Variants in PCDHGA5 observed in about 807,000 individuals in gnomAD.
PCDHGA5 encodes the protein protocadherin gamma-A5.
Under a neutral mutation model 56.7 loss-of-function variants are expected in PCDHGA5, and 36 were observed. That is an observed-to-expected ratio of 0.64 (90% CI 0.49 to 0.84). The LOEUF (loss-of-function observed/expected upper bound fraction) is 0.84, where lower values mean the gene tolerates loss of function less well. Ranked by LOEUF, PCDHGA5 falls within the 40% of genes least tolerant of loss-of-function variation. The pLI is 0.00. For synonymous variants in PCDHGA5, 563 were observed against 520.2 expected (o/e 1.08, Z -1.12); for missense variants, 1,305 against 1,201.5 (o/e 1.09, Z -1.27).
chr5:141,380,978 A>C (rs1244318995), intron 1 of PCDHGA5, among the ~76,000 whole-genome samples: 1 of 152,254 alleles, frequency 6.6e-6, no homozygotes, highest in Non-Finnish European at 1.5e-5. Context: ...AAACAAATAG[A>C]ATTTAACTCC....
At chr5:141,388,020 G>A (rs549084224) in intron 1 of PCDHGA5, 32 of 1,459,094 alleles carry the variant, frequency 2.2e-5, no homozygotes, top group African/African-American at 7.1e-5. Context: ...CAAGGGCTCC[G>A]TAGTGGGGAA....
In PCDHGA5 at chr5:141,486,702, T is replaced by C; in HGVS notation, c.2422-8105T>C. On this transcript the variant is annotated intron_variant, in intron 1 of 3. Coordinates refer to ENST00000518069, the MANE Select transcript of PCDHGA5 (RefSeq NM_018918.3). The surrounding 1 kb of genome is among the most constrained non-coding windows in gnomAD (Gnocchi z 5.0). ...GTATCAGCTTCCTCTTTCATCTCTC[T>C]GAACCCCCAGACAGGAGCTGTTCAT... is the stretch of plus-strand genomic sequence containing the variant. 3 of 1,614,218 alleles carry C rather than the reference T, an allele frequency of 1.9e-6. No homozygotes were observed. Among genetic ancestry groups the C allele is most frequent in the Non-Finnish European group, 2.5e-6 (3 of 1,180,040 alleles).
intron 1 of PCDHGA5, chr5:141,394,094 A>G (rs759909698): frequency 6.2e-7 from 1 of 1,613,934 alleles, no homozygotes; most frequent in Admixed American, 1.7e-5. Context: ...CCTCAGATCT[A>G]GGAACACCAC....
At chr5:141,372,237 G>A in intron 1 of PCDHGA5, 2 of 1,613,294 alleles carry the variant, frequency 1.2e-6, no homozygotes, top group Non-Finnish European at 1.7e-6. Flanking sequence ...CAGCGAGCCC[G>A]GGCTGTTCAG....
intron 1 of PCDHGA5, chr5:141,393,472 C>A: frequency 6.2e-7 from 1 of 1,614,024 alleles, no homozygotes; most frequent in Non-Finnish European, 8.5e-7. Context: ...GGCGGCAAGC[C>A]GCCTCGCTCT....
intron 1 of PCDHGA5, among the ~76,000 whole-genome samples, chr5:141,460,285 T>C (rs1283830175): frequency 1.3e-5 from 2 of 152,154 alleles, no homozygotes; most frequent in Admixed American, 6.5e-5. Context: ...ATAGTTTGTA[T>C]TTCTTATGTC....
chr5:141,415,740 G>GTTTTTTTTTTTTTTTTTTTGTTT, intron 1 of PCDHGA5: 1 of 617,992 alleles, frequency 1.6e-6, no homozygotes, highest in Non-Finnish European at 2.1e-6. Flanking sequence ...GTTTATTAAG[G>GTTTTTTTTTTTTTTTTTTTGTTT]TTTTTTTTTT....
At chr5:141,383,109 T>C (rs562167618) in intron 1 of PCDHGA5, 78 of 1,613,790 alleles carry the variant, frequency 4.8e-5, no homozygotes, top group Non-Finnish European at 6.3e-5. Flanking sequence ...TCTCCAGAGG[T>C]AGGACGCAGC....
chr5:141,431,685 A>C lies in PCDHGA5; in HGVS notation c.2422-63122A>C. The C allele has an allele frequency of 6.2e-7, 1 of 1,614,246 alleles. No homozygotes were observed. Among genetic ancestry groups the C allele is most frequent in the East Asian group, 2.2e-5 (1 of 44,876 alleles). ...ATATCAACAATAGGGGAGTTGGACCACGAGGAGTCAGGATTCTACCAGATG... is the reference window on the plus strand; with the variant it reads ...ATATCAACAATAGGGGAGTTGGACCCCGAGGAGTCAGGATTCTACCAGATG... On this transcript the variant is annotated intron_variant, in intron 1 of 3. Transcript: ENST00000518069. This position sits in a 1 kb window ranked among gnomAD's most constrained non-coding sequence, Gnocchi z 4.8.
rs2099388737 is a variant in PCDHGA5 at position 141,476,307 on chromosome 5, G to T, written c.2422-18500G>T. 1 of 1,613,606 alleles carries T rather than the reference G, an allele frequency of 6.2e-7. No individual in the cohort carries two copies. The highest frequency in any genetic ancestry group is 1.3e-5 in the African/African-American group (1 of 74,728). ...TTGGATCTCGGTAGCCTCTCAGCCC[G>T]CAGGTTCCGGGTGGTGTCTGGAGCT... On this transcript the variant is annotated intron_variant, in intron 1 of 3. Coordinates refer to ENST00000518069, the MANE Select transcript of PCDHGA5 (RefSeq NM_018918.3). The surrounding 1 kb of genome is among the most constrained non-coding windows in gnomAD (Gnocchi z 7.6).
intron 3 of PCDHGA5, among the ~76,000 whole-genome samples, chr5:141,510,244 G>A (rs549784078): frequency 6.6e-6 from 1 of 151,116 alleles, no homozygotes; most frequent in African/African-American, 2.4e-5. Flanking sequence ...CTGCACTCCA[G>A]GCTGGGCGAC....
At position 141,511,916 on chromosome 5, in the gene PCDHGA5, C is replaced by T. The variant is rs2099884006; in HGVS notation, c.*743C>T. ...CCACCTCCTCCTCAAACAAGAGACT[C>T]CACTGCATGTTCCAAGACAGTATGG... On this transcript the variant is annotated 3_prime_UTR_variant, in exon 4 of 4. Coordinates refer to ENST00000518069, the MANE Select transcript of PCDHGA5 (RefSeq NM_018918.3). The T allele has an allele frequency of 6.4e-6, 1 of 156,466 alleles. No individual in the cohort carries two copies. The highest frequency in any genetic ancestry group is 2.4e-5 in the African/African-American group (1 of 41,474). The allele number at this position is 156,466 out of a possible 1,614,324, so 9.7% of individuals were successfully genotyped here.
chr5:141,379,340 TC>T (rs1433489240), intron 1 of PCDHGA5: 1 of 152,232 alleles, frequency 6.6e-6, no homozygotes, highest in Non-Finnish European at 1.5e-5. Flanking sequence ...TCTTCAAAGC[TC>T]ATTTTCTTGT....
At position 141,476,901 on chromosome 5, in the gene PCDHGA5, G is replaced by C; in HGVS notation, c.2422-17906G>C. On this transcript the variant is annotated intron_variant, in intron 1 of 3. Coordinates refer to ENST00000518069, the MANE Select transcript of PCDHGA5 (RefSeq NM_018918.3). The surrounding 1 kb of genome is among the most constrained non-coding windows in gnomAD (Gnocchi z 7.6). ...CTGGAGGATGCACCCTCCGGCACGC[G>C]CGTGGTACAAGTCCTTGCAACGGAT... The C allele has an allele frequency of 1.2e-6, 2 of 1,613,900 alleles. No homozygotes were observed. Among genetic ancestry groups the C allele is most frequent in the Non-Finnish European group, 1.7e-6 (2 of 1,180,034 alleles).
chr5:141,403,527 C>G lies in PCDHGA5; in HGVS notation c.2421+36776C>G. The G allele has an allele frequency of 3.1e-6, 5 of 1,614,022 alleles. No homozygotes were observed. The South Asian group carries it at 5.5e-5, about 18-fold the overall frequency. The stretch of plus-strand genomic sequence containing the variant: ...ACTGGAGACAATGGAGCCATAAACC[C>G]AGAGCTGGTGCTGGAGCGCGCCCTG... On this transcript the variant is annotated intron_variant, in intron 1 of 3. Coordinates refer to ENST00000518069, the MANE Select transcript of PCDHGA5 (RefSeq NM_018918.3).
Position 141,511,202 on chromosome 5 carries a change from C to A in PCDHGA5, c.*29C>A. On this transcript the variant is annotated 3_prime_UTR_variant, in exon 4 of 4. Transcript: ENST00000518069. ...GGAGGCCAGGCCAAGAGCCACAGGG[C>A]GGCCTCTCCCCAACCAGCCCAGCTT... The A allele has an allele frequency of 6.2e-7, 1 of 1,612,136 alleles. No individual in the cohort carries two copies.
rs991408001 is a variant in PCDHGA5, at chr5:141,450,171, C to G, written c.2422-44636C>G. Among the ~76,000 whole-genome samples, 5 of 151,690 alleles carry G rather than the reference C, an allele frequency of 3.3e-5. No individual in the cohort carries two copies. In the East Asian group the frequency reaches 7.8e-4, roughly 24 times the overall value. ...ACAGGCATGTGCCACCACACTCCCACCACACCCAGCTAATTTTTGTATTTT... is the reference window on the plus strand; with the variant it reads ...ACAGGCATGTGCCACCACACTCCCAGCACACCCAGCTAATTTTTGTATTTT... On this transcript the variant is annotated intron_variant, in intron 1 of 3. Transcript: ENST00000518069.
chr5:141,388,637 T>G (rs993746447), intron 1 of PCDHGA5: 1 of 1,613,762 alleles, frequency 6.2e-7, no homozygotes, highest in Non-Finnish European at 8.5e-7. Context: ...GGGTGAGCCT[T>G]TCAGAAAACG....
rs768265171 is a variant in PCDHGA5, at chr5:141,432,847, G to T, written c.2422-61960G>T. The T allele has an allele frequency of 6.2e-7, 1 of 1,614,180 alleles. No homozygotes were observed. On this transcript the variant is annotated intron_variant, in intron 1 of 3. Transcript: ENST00000518069. The surrounding 1 kb of genome is among the most constrained non-coding windows in gnomAD (Gnocchi z 6.0). ...ACCTCACTCTGTACCTGGTGGTAGC[G>T]GTGGCCGCGGTCTCCTGCGTCTTCC...
Sources: allele counts gnomAD v4.1 joint callset (sites outside exome capture counted in the v4.1 genomes callset), GRCh38; gene constraint gnomAD v4.1.1; non-coding constraint Gnocchi (gnomAD v3.1); transcripts MANE v1.5; gene names NCBI Gene and HGNC (gene_info 2026-07-23, HGNC 2026-07-21).